The following DPH1 variants were observed in gnomAD, a reference collection of about 807,000 sequenced individuals.
DPH1 encodes 2-(3-amino-3-carboxypropyl)histidine synthase subunit 1.
DPH1 carries 59 observed loss-of-function variants against 55.3 expected under a neutral mutation model. The ratio of observed to expected loss-of-function variants is 1.07; its 90% CI spans 0.87 to 1.33. DPH1 has a LOEUF of 1.33. DPH1 is among the 40% of genes most tolerant of loss of function. The pLI is 0.00. For synonymous variants in DPH1, 238 were observed against 235.5 expected, an observed-to-expected ratio of 1.01 and a Z score of -0.10; for missense variants, 628 against 584.8, an observed-to-expected ratio of 1.07 and a Z score of -0.76.
Position 2,039,736 on chromosome 17 carries a change from C to T in DPH1, c.681-19C>T. On this transcript the variant is annotated intron_variant, in intron 6 of 12. Coordinates refer to ENST00000263083, the MANE Select transcript of DPH1 (RefSeq NM_001383.6). ...TCTGCTGCCCTAAACCACACTTAGC[C>T]TCCTTTCCACCCCTGCAGGTATCTT... is the stretch of plus-strand genomic sequence containing the variant. 6.2e-7 allele frequency: 1 copy of T among 1,614,140 alleles called. No homozygotes were observed. Among genetic ancestry groups the T allele is most frequent in the Non-Finnish European group, 8.5e-7 (1 of 1,180,016 alleles).
intron 3 of DPH1, among the ~76,000 whole-genome samples, chr17:2,035,547 A>AGGGCCCTGCCTGTGGTG (rs1555525131): frequency 2.8e-5 from 4 of 142,450 alleles, no homozygotes; most frequent in Admixed American, 7.1e-5. Context: ...TCCCGGCAAG[A>AGGGCCCTGCCTGTGGTG]GGGAGGCTGT....
intron 7 of DPH1, 37 bp downstream of exon 7, chr17:2,039,860 A>G (rs563945073): frequency 1.9e-6 from 3 of 1,613,522 alleles, no homozygotes; most frequent in Admixed American, 1.7e-5. Context: ...CCAGCTGGTG[A>G]GGGGTGAGAT....
Position 2,042,612 on chromosome 17 carries a change from C to T in DPH1, c.*26C>T, listed in dbSNP as rs773578601. On this transcript the variant is annotated 3_prime_UTR_variant, in exon 13 of 13. Transcript: ENST00000263083. Reference sequence around the variant, plus strand: ...TTCCTCATATCGCTGTAGGGTCCTGCCCTCCGGAGGAGCAGCCTCGAGGCT... The same window carrying T: ...TTCCTCATATCGCTGTAGGGTCCTGTCCTCCGGAGGAGCAGCCTCGAGGCT... 3 of 1,519,482 alleles carry T rather than the reference C, an allele frequency of 2.0e-6. No individual in the cohort carries two copies. Among genetic ancestry groups the T allele is most frequent in the Non-Finnish European group, 2.6e-6 (3 of 1,136,844 alleles). 94.1% of individuals were successfully genotyped at this position (1,519,482 alleles called of 1,614,324 possible).
intron 1 of DPH1, 66 bp downstream of exon 1, chr17:2,030,296 A>T: frequency 6.7e-7 from 1 of 1,503,714 alleles, no homozygotes; most frequent in Non-Finnish European, 8.9e-7. Context: ...AGTTAGGGAC[A>T]GGACCAACCC....
Position 2,036,617 on chromosome 17 carries a change from C to T in DPH1, c.489C>T (p.Leu163=), listed in dbSNP as rs763648038. ...RIDTTHLLDS[L]RLTFPPATAL... is the part of the protein sequence containing the mutation. The stretch of plus-strand genomic sequence containing the variant: ...ACACTACACACCTCCTGGACTCTCT[C>T]CGCCTCACCTTTCCCCCAGCCACTG... The change falls in exon 5 of 13, where the codon CTC becomes CTT. Residue 163 remains leucine, a synonymous_variant. Coordinates refer to ENST00000263083, the MANE Select transcript of DPH1 (RefSeq NM_001383.6). The surrounding 1 kb of genome is among the most constrained non-coding windows in gnomAD (Gnocchi z 4.8). 3 of 1,614,048 alleles carry T rather than the reference C, an allele frequency of 1.9e-6. No homozygotes were observed. The highest frequency in any genetic ancestry group is 1.3e-5 in the African/African-American group (1 of 74,934).
chr17:2,042,502 C>CTCTT (rs2067559468), intron 12 of DPH1, 103 bp from the exon 13 acceptor site: 1 of 1,413,390 alleles, frequency 7.1e-7, no homozygotes. Flanking sequence ...CCTCGATTCC[C>CTCTT]TTTTTCTCTC....
chr17:2,032,505 C>T (rs1358457476), intron 1 of DPH1, among the ~76,000 whole-genome samples: 8 of 152,170 alleles, frequency 5.3e-5, no homozygotes, highest in Non-Finnish European at 4.4e-5. Context: ...AAAGCTGGGC[C>T]AACCCCCTTG....
At chr17:2,041,294 C>T (rs2067518038) in intron 10 of DPH1, 113 bp downstream of exon 10, 1 of 1,473,440 alleles carries the variant, frequency 6.8e-7, no homozygotes, top group Non-Finnish European at 9.2e-7. Context: ...ATTCCGGAGT[C>T]TGTCTCGATT....
intron 6 of DPH1, 121 bp downstream of exon 6, chr17:2,037,077 TCA>T (rs1432946031): frequency 1.4e-6 from 2 of 1,417,248 alleles, no homozygotes; most frequent in Non-Finnish European, 9.4e-7. Flanking sequence ...GAGCCCGAGG[TCA>T]CACTGCAAGG....
rs376220370 is a variant in DPH1 at position 2,039,700 on chromosome 17, C to T, written c.681-55C>T. 29 of 1,610,418 alleles carry T rather than the reference C, an allele frequency of 1.8e-5. No homozygotes were observed. In the East Asian group the frequency reaches 2.7e-4, roughly 15 times the overall value. ...CCAGCCCTGTGGACTTCTAAGCCAGCGAGTGCCTCTTCTGCTGCCCTAAAC... is the reference window on the plus strand; with the variant it reads ...CCAGCCCTGTGGACTTCTAAGCCAGTGAGTGCCTCTTCTGCTGCCCTAAAC... On this transcript the variant is annotated intron_variant, in intron 6 of 12. Coordinates refer to ENST00000263083, the MANE Select transcript of DPH1 (RefSeq NM_001383.6).
At chr17:2,042,038 G>T in intron 12 of DPH1, 163 bp downstream of exon 12, 1 of 1,512,956 alleles carries the variant, frequency 6.6e-7, no homozygotes, top group Non-Finnish European at 8.8e-7. Flanking sequence ...GTCGCTCCTT[G>T]CCGGGCATAA....
At position 2,039,800 on chromosome 17, in the gene DPH1, C is replaced by T. The variant is rs368555983; in HGVS notation, c.726C>T (p.Ala242=). Reference sequence around the variant, plus strand: ...TCCATCTGGAGTCTGTCATGATTGCCAACCCCAATGTCCCCGCTTACCGGT... The same window carrying T: ...TCCATCTGGAGTCTGTCATGATTGCTAACCCCAATGTCCCCGCTTACCGGT... ...GRFHLESVMI[A]NPNVPAYRYD... Residue 242 remains alanine (A), a synonymous_variant, in exon 7 of 13, where the codon GCC becomes GCT. Coordinates refer to ENST00000263083, the MANE Select transcript of DPH1 (RefSeq NM_001383.6). 8.5e-4 allele frequency: 1,374 copies of T among 1,614,170 alleles called. 2 individuals carry two copies. The highest frequency in any genetic ancestry group is 1.0e-3 in the Non-Finnish European group (1,214 of 1,180,032).
intron 12 of DPH1, chr17:2,042,140 G>A: frequency 6.5e-7 from 1 of 1,537,378 alleles, no homozygotes; most frequent in Non-Finnish European, 8.7e-7. Context: ...CGCTGAGGAA[G>A]GCGCTGCGGG....
At position 2,036,361 on chromosome 17, in the gene DPH1, T is replaced by A; in HGVS notation, c.401-168T>A. On this transcript the variant is annotated intron_variant, in intron 4 of 12. Coordinates refer to ENST00000263083, the MANE Select transcript of DPH1 (RefSeq NM_001383.6). The surrounding 1 kb of genome is among the most constrained non-coding windows in gnomAD (Gnocchi z 4.8). ...GCCCCGGCCGGGTGACAGAGAAGTC[T>A]GATTGAGAAGGAGCTTCTAGGGGAT... The A allele has an allele frequency of 9.2e-7, 1 of 1,091,578 alleles. No homozygotes were observed. The highest frequency in any genetic ancestry group is 1.3e-6 in the Non-Finnish European group (1 of 766,426). The allele number at this position is 1,091,578 out of a possible 1,614,324, so 67.6% of individuals were successfully genotyped here. A position where few individuals can be genotyped will look rare whatever the true frequency, so the allele number is the denominator to read the frequency against.
At chr17:2,030,795 C>T (rs946844541) in intron 1 of DPH1, among the ~76,000 whole-genome samples, 47 of 152,352 alleles carry the variant, frequency 3.1e-4, no homozygotes, top group East Asian at 1.2e-3. Flanking sequence ...CCAGCGACCA[C>T]TAGGGACCTG....
intron 12 of DPH1, 145 bp downstream of exon 12, chr17:2,042,020 G>A (rs1234551510): frequency 6.7e-7 from 1 of 1,496,548 alleles, no homozygotes; most frequent in Admixed American, 2.2e-5. Context: ...ACCGCTTCCG[G>A]TGCTTCCGTC....
In DPH1 at chr17:2,030,270, C is replaced by T. The variant is rs557144639; in HGVS notation, c.61+40C>T. The T allele has an allele frequency of 2.5e-5, 38 of 1,538,076 alleles. No individual in the cohort carries two copies. The African/African-American group carries it at 4.9e-4, about 20-fold the overall frequency. On this transcript the variant is annotated intron_variant, in intron 1 of 12. Coordinates refer to ENST00000263083, the MANE Select transcript of DPH1 (RefSeq NM_001383.6). ...GCTGCGCCCTCCAGACCTCGCATCTCGGGGCGGGGCCCCCAAGTTAGGGAC... is the reference window on the plus strand; with the variant it reads ...GCTGCGCCCTCCAGACCTCGCATCTTGGGGCGGGGCCCCCAAGTTAGGGAC...
At chr17:2,041,405 C>T (rs2067520695) in intron 10 of DPH1, 76 bp from the exon 11 acceptor site, 3 of 1,549,948 alleles carry the variant, frequency 1.9e-6, no homozygotes, top group Non-Finnish European at 2.6e-6. Context: ...CACAGGCCGT[C>T]GTGAGGACTG....
intron 7 of DPH1, 145 bp downstream of exon 7, chr17:2,039,968 C>T: frequency 7.7e-7 from 1 of 1,301,506 alleles, no homozygotes; most frequent in Non-Finnish European, 1.1e-6. Context: ...TGGATCTGGG[C>T]ATTAGCCCCA....
Sources: gnomAD v4.1 joint callset for allele counts (sites outside exome capture counted in the v4.1 genomes callset) on GRCh38, gnomAD v4.1.1 for gene constraint, Gnocchi (gnomAD v3.1) non-coding constraint, MANE v1.5 for transcripts, NCBI Gene and HGNC (gene_info 2026-07-23, HGNC 2026-07-21) for gene names.